The following SIM1 variants were observed in gnomAD, a reference collection of about 807,000 sequenced individuals.
SIM1 encodes SIM bHLH transcription factor 1.
Under a neutral mutation model 78.2 loss-of-function variants are expected in SIM1, and 18 were observed. The observed-to-expected ratio is 0.23, with a 90% CI of 0.16 to 0.34. The LOEUF is 0.34. Among genes scored for constraint, SIM1 ranks in the 10% least tolerant of loss-of-function variants. The pLI is 1.00. For synonymous variants in SIM1, 417 were observed against 385.2 expected (o/e 1.08, Z -0.97); for missense variants, 939 against 975.1 (o/e 0.96, Z 0.49).
At position 100,449,644 on chromosome 6, in the gene SIM1, T is replaced by G. The variant is rs1348278792; in HGVS notation, c.404A>C (p.Glu135Ala). 2 of 1,614,044 alleles carry G rather than the reference T, an allele frequency of 1.2e-6. No individual in the cohort carries two copies. Among genetic ancestry groups the G allele is most frequent in the Non-Finnish European group, 1.7e-6 (2 of 1,180,054 alleles). ...YEYIHPADHD[E>A]MTAVLTAHQP... ...ATGGGCGGTGAGCACCGCCGTCATC[T>G]CGTCGTGGTCTGCCGGGTGAATGTA... Residue 135 changes from glutamate (E) to alanine (A), a missense_variant, in exon 5 of 12, where the codon GAG (glutamate) becomes GCG (alanine). Glu to Ala is a moderately radical substitution (Grantham distance 107, BLOSUM62 -1). Transcript: ENST00000369208.
intron 3 of SIM1, among the ~76,000 whole-genome samples, chr6:100,452,213 C>A (rs1772529405): frequency 6.7e-6 from 1 of 149,288 alleles, no homozygotes; most frequent in Admixed American, 6.6e-5. Context: ...ATGTCACCTT[C>A]TCAGTGCGGC....
chr6:100,447,082 G>A (rs1169374562), intron 9 of SIM1, among the ~76,000 whole-genome samples, 186 bp downstream of exon 9: 1 of 152,208 alleles, frequency 6.6e-6, no homozygotes, highest in Non-Finnish European at 1.5e-5. Flanking sequence ...AGAATATAAC[G>A]AAGAAAACCT....
In SIM1 at chr6:100,391,066, A is replaced by T. The variant is rs1770626739; in HGVS notation, c.1596T>A (p.Ser532Arg). Residue 532 changes from serine (S) to arginine (R), a missense_variant, in exon 12 of 12, where the codon AGT (serine) becomes AGA (arginine). By Grantham distance (110) the Ser-to-Arg change is moderately radical. Transcript: ENST00000369208. The stretch of plus-strand genomic sequence containing the variant: ...ACCCAGGGTCTGGAGAACTGACCAC[A>T]CTATCTTCATCCCAATGACCTCGCC... ...IHGRGHWDEDSVVSSPDPGSA... is the reference protein window; with the variant it reads ...IHGRGHWDEDRVVSSPDPGSA... 1 of 1,609,734 alleles carries T rather than the reference A, an allele frequency of 6.2e-7. No individual in the cohort carries two copies. Among genetic ancestry groups the T allele is most frequent in the South Asian group, 1.1e-5 (1 of 90,174 alleles).
intron 3 of SIM1, among the ~76,000 whole-genome samples, chr6:100,450,684 TCTCTCTCTCTCTCACACACACA>T (rs912175268): frequency 1.1e-5 from 1 of 91,038 alleles, no homozygotes; most frequent in African/African-American, 5.4e-5. Context: ...TCTCTCTCTC[TCTCTCTCTCTCTCACACACACA>T]CACACACACA....
chr6:100,442,161 C>A (rs1446804453), intron 9 of SIM1, among the ~76,000 whole-genome samples: 1 of 152,084 alleles, frequency 6.6e-6, no homozygotes, highest in Non-Finnish European at 1.5e-5. Context: ...ACGAATTCAG[C>A]ATTTGTTTAA....
At chr6:100,396,165 C>G (rs1770760901) in intron 10 of SIM1, 1 of 664,256 alleles carries the variant, frequency 1.5e-6, no homozygotes, top group Admixed American at 6.3e-5. Context: ...GCTTCCTCAC[C>G]TTACTGAGTG....
Position 100,389,653 on chromosome 6 carries a change from C to T in SIM1, c.*708G>A, listed in dbSNP as rs1035054383. 3 of 398,806 alleles carry T rather than the reference C, an allele frequency of 7.5e-6. No individual in the cohort carries two copies. Among genetic ancestry groups the T allele is most frequent in the African/African-American group, 6.2e-5 (3 of 48,600 alleles). 24.7% of individuals were successfully genotyped at this position (398,806 alleles called of 1,614,324 possible). A position where few individuals can be genotyped will look rare whatever the true frequency, so the allele number is the denominator to read the frequency against. Reference sequence around the variant, plus strand: ...TCTCAGTGTTCTTACTTAGAAAAACCCTCAGCGCCATGTCAGTGCAATCCT... The same window carrying T: ...TCTCAGTGTTCTTACTTAGAAAAACTCTCAGCGCCATGTCAGTGCAATCCT... On this transcript the variant is annotated 3_prime_UTR_variant, in exon 12 of 12. Coordinates refer to ENST00000369208, the MANE Select transcript of SIM1 (RefSeq NM_005068.3).
At chr6:100,437,286 G>A (rs2114525932) in intron 9 of SIM1, 1 of 152,078 alleles carries the variant, frequency 6.6e-6, no homozygotes, top group East Asian at 1.9e-4. Context: ...GAAGCCTAAG[G>A]TTTAGACTGC....
intron 9 of SIM1, among the ~76,000 whole-genome samples, chr6:100,429,792 A>G (rs1382455516): frequency 6.6e-6 from 1 of 152,198 alleles, no homozygotes; most frequent in Non-Finnish European, 1.5e-5. Context: ...TTTCATATTA[A>G]AACTTTCTTT....
chr6:100,432,238 A>G (rs1771921624), intron 9 of SIM1, among the ~76,000 whole-genome samples: 2 of 152,226 alleles, frequency 1.3e-5, no homozygotes, highest in Admixed American at 6.5e-5. Flanking sequence ...CAGTAGTTCT[A>G]AAACTTCAGC....
chr6:100,434,697 T>G (rs1771997876), intron 9 of SIM1, among the ~76,000 whole-genome samples: 1 of 152,174 alleles, frequency 6.6e-6, no homozygotes, highest in Non-Finnish European at 1.5e-5. Flanking sequence ...TTGCTATTCT[T>G]GGAGAGATGT....
chr6:100,443,567 C>G (rs1175018755), intron 9 of SIM1, among the ~76,000 whole-genome samples: 1 of 152,202 alleles, frequency 6.6e-6, no homozygotes, highest in African/African-American at 2.4e-5. Flanking sequence ...TATCCATCAG[C>G]CTAATTGAGA....
chr6:100,458,013 TCTCTCTC>T (rs1772721750), intron 2 of SIM1, among the ~76,000 whole-genome samples: 132 of 12,402 alleles, frequency 0.011, 1 homozygote, highest in East Asian at 0.017. Context: ...TCTTTCTCTC[TCTCTCTC>T]TCTCTCTCTC....
chr6:100,396,043 G>A, intron 10 of SIM1: 2 of 974,518 alleles, frequency 2.1e-6, no homozygotes, highest in Non-Finnish European at 2.4e-6. Flanking sequence ...AAGGCATCCT[G>A]GGGCTCGGTA....
chr6:100,458,708 G>A (rs1449642903), intron 2 of SIM1, among the ~76,000 whole-genome samples: 1 of 152,136 alleles, frequency 6.6e-6, no homozygotes, highest in African/African-American at 2.4e-5. Context: ...GGCGGTGCGG[G>A]AGGCGCGACG....
At chr6:100,464,111 G>T (rs1723985481) in intron 1 of SIM1, among the ~76,000 whole-genome samples, 176 bp from the exon 2 acceptor site, 1 of 152,102 alleles carries the variant, frequency 6.6e-6, no homozygotes. Flanking sequence ...TGCAAATAAT[G>T]CTGGCATTCC....
At position 100,449,659 on chromosome 6, in the gene SIM1, G is replaced by C; in HGVS notation, c.389C>G (p.Pro130Arg). Reference sequence around the variant, plus strand: ...CGCCGTCATCTCGTCGTGGTCTGCCGGGTGAATGTATTCATAAATGCTGTT... The same window carrying C: ...CGCCGTCATCTCGTCGTGGTCTGCCCGGTGAATGTATTCATAAATGCTGTT... ...TGNSIYEYIH[P>R]ADHDEMTAVL... The change falls in exon 5 of 12, where the codon CCG (proline) becomes CGG (arginine). Residue 130 changes from proline to arginine, a missense_variant. Physicochemically the swap from Pro to Arg is moderately radical, Grantham distance 103. Transcript: ENST00000369208. 1 of 1,614,054 alleles carries C rather than the reference G, an allele frequency of 6.2e-7. No homozygotes were observed. The highest frequency in any genetic ancestry group is 8.5e-7 in the Non-Finnish European group (1 of 1,180,028).
chr6:100,412,739 G>GA (rs1192040426), intron 10 of SIM1, among the ~76,000 whole-genome samples: 1 of 135,846 alleles, frequency 7.4e-6, no homozygotes, highest in Non-Finnish European at 1.6e-5. Flanking sequence ...AAGAAAGAAA[G>GA]AAAGAAAGAA....
chr6:100,390,553 C>A lies in SIM1; in HGVS notation c.2109G>T (p.Arg703=). ...TVSPNCFGSH[R]QYFDKHAYTL... ...TGTAAGCATGCTTGTCAAAATACTG[C>A]CGGTGAGAGCCAAAGCAGTTTGGAG... is the stretch of plus-strand genomic sequence containing the variant. The change falls in exon 12 of 12, where the codon CGG becomes CGT. Residue 703 remains arginine, a synonymous_variant. Coordinates refer to ENST00000369208, the MANE Select transcript of SIM1 (RefSeq NM_005068.3). 1 of 1,614,114 alleles carries A rather than the reference C, an allele frequency of 6.2e-7. No homozygotes were observed. The highest frequency in any genetic ancestry group is 1.3e-5 in the African/African-American group (1 of 75,020).
Sources: gnomAD v4.1 joint callset for allele counts (sites outside exome capture counted in the v4.1 genomes callset) on GRCh38, gnomAD v4.1.1 for gene constraint, MANE v1.5 for transcripts, NCBI Gene and HGNC (gene_info 2026-07-23, HGNC 2026-07-21) for gene names.